The following USF3 variants were observed in gnomAD, a reference collection of about 807,000 sequenced individuals.
The protein encoded by USF3 is upstream transcription factor family member 3, also known as basic helix-loop-helix domain-containing protein USF3.
Under a neutral mutation model 157.5 loss-of-function variants are expected in USF3, and 29 were observed. The observed-to-expected ratio is 0.18, with a 90% CI of 0.14 to 0.25. The LOEUF (loss-of-function observed/expected upper bound fraction) is 0.25, where lower values mean the gene tolerates loss of function less well. Ranked by LOEUF, USF3 falls within the 10% of genes least tolerant of loss-of-function variation. The pLI, the probability that USF3 is intolerant of heterozygous loss-of-function variation, is 1.00. For missense variants in USF3, 2,381 were observed against 2,667.6 expected (o/e 0.89, Z 2.37); for synonymous variants, 893 against 941.4 (o/e 0.95, Z 0.94).
At chr3:113,695,824 G>A (rs1707784748) in intron 1 of USF3, among the ~76,000 whole-genome samples, 1 of 152,204 alleles carries the variant, frequency 6.6e-6, no homozygotes, top group African/African-American at 2.4e-5. Flanking sequence ...TCATTCACTT[G>A]CACTGCTTCT....
chr3:113,663,803 G>A (rs1947523345), intron 6 of USF3, among the ~76,000 whole-genome samples: 1 of 152,228 alleles, frequency 6.6e-6, no homozygotes, highest in African/African-American at 2.4e-5. Flanking sequence ...GCATTAAAAA[G>A]TCACCTTTAT....
Position 113,658,154 on chromosome 3 carries a change from G to A in USF3, c.3528C>T (p.Phe1176=). 2 of 1,614,146 alleles carry A rather than the reference G, an allele frequency of 1.2e-6. No homozygotes were observed. The highest frequency in any genetic ancestry group is 1.6e-4 in the Middle Eastern group (1 of 6,062). The change falls in exon 7 of 7, where the codon TTC becomes TTT. Residue 1176 remains phenylalanine, a synonymous_variant. Transcript: ENST00000316407. The stretch of plus-strand genomic sequence containing the variant: ...CACTCTCTTTAGGTATCTGTGATTT[G>A]AAGGGTGGGTCTCCCTCTAACAATG... ...EASLLEGDPP[F]KSQIPKESGT...
chr3:113,689,046 C>CAAACAAAG (rs773201001), intron 1 of USF3, among the ~76,000 whole-genome samples: 1 of 151,756 alleles, frequency 6.6e-6, no homozygotes, highest in African/African-American at 2.4e-5. Flanking sequence ...AACAAACAAA[C>CAAACAAAG]AAACAAACAA....
rs761863321 is a variant in USF3, at chr3:113,661,128, G to A, written c.554C>T (p.Pro185Leu). 1.6e-5 allele frequency: 26 copies of A among 1,613,638 alleles called. 1 individual carries two copies. The South Asian group carries it at 2.6e-4, about 16-fold the overall frequency. Residue 185 changes from proline to leucine, a missense_variant, in exon 7 of 7, where the codon CCA becomes CTA. Around this residue, in one of 6 missense-constraint regions of USF3, gnomAD observed 1,435 missense variants for 1,550.9 expected, o/e 0.93. Coordinates refer to ENST00000316407, the MANE Select transcript of USF3 (RefSeq NM_001009899.4). ...NLQKQTANVV[P>L]VQRTCNLVTP... ...CACAAGATTGCAAGTCCTCTGTACT[G>A]GCACCACATTGGCGGTCTGCTTTTG...
rs373834496 is a variant in USF3, at chr3:113,679,009, G to GTCTC, written c.-134-1616_-134-1613dup. ...ATCTCACTATGCTGTCCAGGCTGGTGTCTCTCTCTCTCTCTCTCTCTCTCT... is the reference window on the plus strand; with the variant it reads ...ATCTCACTATGCTGTCCAGGCTGGTGTCTCTCTCTCTCTCTCTCTCTCTCTCTCT... On this transcript the variant is annotated intron_variant, in intron 1 of 6. Transcript: ENST00000316407. Among the ~76,000 whole-genome samples the GTCTC allele has an allele frequency of 8.5e-3, 1,229 of 144,044 alleles. 16 individuals carry two copies. The highest frequency in any genetic ancestry group is 0.031 in the Admixed American group (441 of 14,426). 94.5% of individuals were successfully genotyped at this position (144,044 alleles called of 152,430 possible). A position where few individuals can be genotyped will look rare whatever the true frequency, so the allele number is the denominator to read the frequency against.
At chr3:113,684,451 A>G (rs1414162610) in intron 1 of USF3, among the ~76,000 whole-genome samples, 1 of 152,040 alleles carries the variant, frequency 6.6e-6, no homozygotes, top group East Asian at 1.9e-4. Context: ...TTCTACCTCA[A>G]TCTCTCTCTC....
At chr3:113,695,145 C>T (rs1707771977) in intron 1 of USF3, among the ~76,000 whole-genome samples, 1 of 152,216 alleles carries the variant, frequency 6.6e-6, no homozygotes, top group Admixed American at 6.5e-5. Flanking sequence ...TAGGCTAAAG[C>T]AAAACTGCTT....
intron 1 of USF3, among the ~76,000 whole-genome samples, chr3:113,692,806 C>T (rs1707713585): frequency 6.6e-6 from 1 of 152,154 alleles, no homozygotes; most frequent in East Asian, 1.9e-4. Context: ...CAATTGTCCC[C>T]ATATGGAAAT....
Position 113,649,821 on chromosome 3 carries a change from T to C in USF3, c.*5123A>G, listed in dbSNP as rs1231607929. Reference sequence around the variant, plus strand: ...ATGGACTGACTCAATCTAAATTTGGTGTCCCCCCTCCACAGGTTCTAGTAG... The same window carrying C: ...ATGGACTGACTCAATCTAAATTTGGCGTCCCCCCTCCACAGGTTCTAGTAG... On this transcript the variant is annotated 3_prime_UTR_variant, in exon 7 of 7. Coordinates refer to ENST00000316407, the MANE Select transcript of USF3 (RefSeq NM_001009899.4). The C allele has an allele frequency of 1.4e-6, 1 of 702,840 alleles. No homozygotes were observed. Among genetic ancestry groups the C allele is most frequent in the Admixed American group, 2.0e-5 (1 of 50,012 alleles). 43.5% of individuals were successfully genotyped at this position (702,840 alleles called of 1,614,324 possible).
Position 113,655,527 on chromosome 3 carries a change from G to A in USF3, c.6155C>T (p.Ser2052Leu), listed in dbSNP as rs371204248. The A allele has an allele frequency of 1.7e-5, 27 of 1,613,990 alleles. No homozygotes were observed. The highest frequency in any genetic ancestry group is 1.9e-5 in the Non-Finnish European group (23 of 1,179,998). ...TGATAGTGTATGCTGGTCAGGACCT[G>A]AATTATCATTAGGTACTTGTGGGCT... ...PDSPQVPNDN[S>L]GPDQHTLSQN... The change falls in exon 7 of 7, where the codon TCA (serine) becomes TTA (leucine). Residue 2052 changes from serine to leucine, a missense_variant. Physicochemically the swap from Ser to Leu is moderately radical, Grantham distance 145. Coordinates refer to ENST00000316407, the MANE Select transcript of USF3 (RefSeq NM_001009899.4).
At chr3:113,667,865 A>AAAC (rs769023155) in intron 5 of USF3, among the ~76,000 whole-genome samples, 2 of 150,536 alleles carry the variant, frequency 1.3e-5, no homozygotes, top group African/African-American at 4.9e-5. Flanking sequence ...AGACTGTCTC[A>AAAC]AAACAAACAA....
At chr3:113,682,212 C>G (rs1707448728) in intron 1 of USF3, among the ~76,000 whole-genome samples, 1 of 152,160 alleles carries the variant, frequency 6.6e-6, no homozygotes, top group Non-Finnish European at 1.5e-5. Flanking sequence ...GTAGTCCCAA[C>G]TACTGCAGAG....
intron 1 of USF3, among the ~76,000 whole-genome samples, chr3:113,695,561 T>C (rs1368188683): frequency 6.6e-6 from 1 of 152,242 alleles, no homozygotes; most frequent in Non-Finnish European, 1.5e-5. Context: ...GGTGTTAGGT[T>C]ACTGTATCTA....
At chr3:113,678,912 T>C (rs953841377) in intron 1 of USF3, among the ~76,000 whole-genome samples, 4 of 151,830 alleles carry the variant, frequency 2.6e-5, no homozygotes, top group African/African-American at 9.7e-5. Flanking sequence ...ACACCACTAT[T>C]CCCGGCTAAT....
At chr3:113,679,794 A>G (rs1707368259) in intron 1 of USF3, among the ~76,000 whole-genome samples, 1 of 152,128 alleles carries the variant, frequency 6.6e-6, no homozygotes, top group Non-Finnish European at 1.5e-5. Context: ...TTTTTTCACC[A>G]TAGAACTTCA....
rs1365571440 is a variant in USF3 at position 113,652,606 on chromosome 3, T to A, written c.*2338A>T. Reference sequence around the variant, plus strand: ...CCTTTTGCTGAGTCTTTAGAAGAGGTATTCACTGGAGTTAACTGCTCTGAC... The same window carrying A: ...CCTTTTGCTGAGTCTTTAGAAGAGGAATTCACTGGAGTTAACTGCTCTGAC... On this transcript the variant is annotated 3_prime_UTR_variant, in exon 7 of 7. Coordinates refer to ENST00000316407, the MANE Select transcript of USF3 (RefSeq NM_001009899.4). The A allele has an allele frequency of 2.7e-5, 4 of 150,934 alleles. No individual in the cohort carries two copies. Among genetic ancestry groups the A allele is most frequent in the Non-Finnish European group, 5.9e-5 (4 of 67,914 alleles). 9.3% of individuals were successfully genotyped at this position (150,934 alleles called of 1,614,324 possible).
chr3:113,665,999 A>G (rs1947559556), intron 5 of USF3, among the ~76,000 whole-genome samples: 1 of 152,018 alleles, frequency 6.6e-6, no homozygotes, highest in Admixed American at 6.6e-5. Context: ...AGCCTGACCA[A>G]CATGGAGAAA....
rs1947350906 is a variant in USF3 at position 113,656,021 on chromosome 3, G to A, written c.5661C>T (p.Asn1887=). ...GAATATTCAAGGTGCTGTTCCTGGT[G>A]TTAATTGCACCTAACGACATGTCAC... ...ESCDMSLGAI[N]TRNSTLNIPF... The change falls in exon 7 of 7, where the codon AAC becomes AAT. Residue 1887 remains asparagine, a synonymous_variant. Transcript: ENST00000316407. 1.2e-6 allele frequency: 2 copies of A among 1,614,078 alleles called. No individual in the cohort carries two copies. Among genetic ancestry groups the A allele is most frequent in the African/African-American group, 1.3e-5 (1 of 74,928 alleles).
intron 1 of USF3, among the ~76,000 whole-genome samples, chr3:113,694,631 C>A (rs925113864): frequency 2.6e-5 from 4 of 152,210 alleles, no homozygotes; most frequent in African/African-American, 9.6e-5. Context: ...CTGGGGCACA[C>A]AGGAAGAAGA....
Sources: allele counts gnomAD v4.1 joint callset (sites outside exome capture counted in the v4.1 genomes callset), GRCh38; gene constraint gnomAD v4.1.1; regional missense constraint gnomAD v4.1.1; transcripts MANE v1.5; gene names NCBI Gene and HGNC (gene_info 2026-07-23, HGNC 2026-07-21).